The following PDE1A variants were observed in gnomAD, a reference collection of about 807,000 sequenced individuals.
The protein encoded by PDE1A is phosphodiesterase 1A.
In PDE1A, 35 loss-of-function variants were observed where a neutral mutation model predicts 61.7. The ratio of observed to expected loss-of-function variants is 0.57; its 90% CI spans 0.43 to 0.75. The LOEUF is 0.75. Among genes scored for constraint, PDE1A ranks in the 30% least tolerant of loss-of-function variants. PDE1A has a pLI of 0.00. For missense variants in PDE1A, 597 were observed against 630.6 expected, an observed-to-expected ratio of 0.95 and a Z score of 0.57; for synonymous variants, 232 against 213.2, an observed-to-expected ratio of 1.09 and a Z score of -0.77.
chr2:182,495,438 T>C (rs530371775), intron 2 of PDE1A, among the ~76,000 whole-genome samples: 18 of 152,300 alleles, frequency 1.2e-4, no homozygotes, highest in African/African-American at 4.3e-4. Flanking sequence ...TTCTTGGCCT[T>C]CAGTGCTTCA....
the PDE1A span, among the ~76,000 whole-genome samples, chr2:182,603,765 T>C: frequency 6.6e-6 from 1 of 152,184 alleles, no homozygotes; most frequent in Non-Finnish European, 1.5e-5. Context: ...GTTAAATTCC[T>C]TTTTTAAAAA....
At chr2:182,576,783 C>T in the PDE1A span, among the ~76,000 whole-genome samples, 53 of 152,174 alleles carry the variant, frequency 3.5e-4, no homozygotes, top group Non-Finnish European at 6.6e-4. Context: ...ATTAAAACCA[C>T]TGATATCACC....
intron 10 of PDE1A, among the ~76,000 whole-genome samples, chr2:182,200,956 C>T (rs183534393): frequency 2.0e-5 from 3 of 152,232 alleles, no homozygotes; most frequent in Non-Finnish European, 2.9e-5. Flanking sequence ...AATCCTTATC[C>T]GGGCTTGTTT....
rs36076255 is a variant in PDE1A, at chr2:182,494,298, C to CAA, written c.101+27976_101+27977dup. Among the ~76,000 whole-genome samples the CAA allele has an allele frequency of 7.8e-4, 115 of 147,012 alleles. 1 individual carries two copies. Among genetic ancestry groups the CAA allele is most frequent in the African/African-American group, 1.8e-3 (74 of 40,178 alleles). ...AGCTTACAAGATCATTTGGATTCTA[C>CAA]AAAAAAAAAAGAAAAGAAAAAGAAA... On this transcript the variant is annotated intron_variant, in intron 2 of 14. Coordinates refer to the PDE1A transcript ENST00000410103.
At chr2:182,194,194 A>C (rs941225390) in intron 10 of PDE1A, among the ~76,000 whole-genome samples, 2 of 152,116 alleles carry the variant, frequency 1.3e-5, no homozygotes, top group Admixed American at 6.6e-5. Flanking sequence ...AGCTAGTTGA[A>C]GAAGGGAAAA....
chr2:182,331,504 T>C (rs1381556961), intron 1 of PDE1A, among the ~76,000 whole-genome samples: 2 of 152,226 alleles, frequency 1.3e-5, no homozygotes, highest in African/African-American at 2.4e-5. Flanking sequence ...CCTTTCCATA[T>C]TTAGTGCTTC....
chr2:182,680,432 G>A, the PDE1A span, among the ~76,000 whole-genome samples: 1 of 152,050 alleles, frequency 6.6e-6, no homozygotes, highest in African/African-American at 2.4e-5. Context: ...CAAAATTACA[G>A]AGTTTCACCA....
At chr2:182,534,909 TTTA>T in the PDE1A span, among the ~76,000 whole-genome samples, 191 of 151,224 alleles carry the variant, frequency 1.3e-3, no homozygotes, top group African/African-American at 4.1e-3. Context: ...TACATGCAGC[TTTA>T]TTTTGTTTAC....
chr2:182,440,596 T>C (rs1452871785), intron 2 of PDE1A, among the ~76,000 whole-genome samples: 1 of 152,068 alleles, frequency 6.6e-6, no homozygotes, highest in Non-Finnish European at 1.5e-5. Flanking sequence ...ACAAGATATA[T>C]TCTAAATAAA....
the PDE1A span, among the ~76,000 whole-genome samples, chr2:182,558,890 C>CA: frequency 6.6e-6 from 1 of 152,176 alleles, no homozygotes; most frequent in African/African-American, 2.4e-5. Flanking sequence ...TCAATGTCAA[C>CA]ATTTATTCAA....
At chr2:182,177,393 C>T (rs1396003398) in intron 13 of PDE1A, among the ~76,000 whole-genome samples, 1 of 151,884 alleles carries the variant, frequency 6.6e-6, no homozygotes, top group Non-Finnish European at 1.5e-5. Flanking sequence ...AGAGATTCAA[C>T]TTCTTCCTGG....
At chr2:182,439,803 G>C (rs1405141704) in intron 2 of PDE1A, among the ~76,000 whole-genome samples, 1 of 151,998 alleles carries the variant, frequency 6.6e-6, no homozygotes, top group African/African-American at 2.4e-5. Flanking sequence ...GAAGATATGG[G>C]CTAACTGTAC....
At chr2:182,226,566 T>C (rs1467071340) in intron 6 of PDE1A, among the ~76,000 whole-genome samples, 1 of 149,560 alleles carries the variant, frequency 6.7e-6, no homozygotes, top group African/African-American at 2.6e-5. Context: ...TGTGCTGGTA[T>C]CAGAAGGAAT....
intron 1 of PDE1A, among the ~76,000 whole-genome samples, chr2:182,287,847 C>G (rs182564781): frequency 4.2e-4 from 64 of 152,180 alleles, no homozygotes; most frequent in Non-Finnish European, 1.3e-4. Flanking sequence ...AGGCAGGAAC[C>G]TGTGTTTTTT....
chr2:182,614,014 T>C, the PDE1A span, among the ~76,000 whole-genome samples: 88 of 152,358 alleles, frequency 5.8e-4, no homozygotes, highest in Middle Eastern at 0.02. Context: ...GGAGGTATCC[T>C]ATCTGATGTA....
chr2:182,348,853 A>G (rs574797602), intron 1 of PDE1A, among the ~76,000 whole-genome samples: 2 of 152,000 alleles, frequency 1.3e-5, no homozygotes, highest in African/African-American at 4.8e-5. Flanking sequence ...TTCCTCTACT[A>G]AAACAGATTG....
intron 1 of PDE1A, among the ~76,000 whole-genome samples, chr2:182,413,157 T>G (rs920765536): frequency 6.6e-6 from 1 of 151,826 alleles, no homozygotes; most frequent in Non-Finnish European, 1.5e-5. Context: ...AGGAAAGAGA[T>G]GGAATAGATG....
At chr2:182,607,519 C>T in the PDE1A span, among the ~76,000 whole-genome samples, 1 of 152,172 alleles carries the variant, frequency 6.6e-6, no homozygotes, top group African/African-American at 2.4e-5. Context: ...AAGGTCAGAA[C>T]TGCAGAACCC....
chr2:182,197,789 A>G (rs1686262522), intron 10 of PDE1A, among the ~76,000 whole-genome samples: 2 of 151,882 alleles, frequency 1.3e-5, no homozygotes, highest in Admixed American at 1.3e-4. Flanking sequence ...CCAATAACAC[A>G]GTGCCTTGAT....
Sources: allele counts gnomAD v4.1 joint callset (sites outside exome capture counted in the v4.1 genomes callset), GRCh38; gene constraint gnomAD v4.1.1; transcripts MANE v1.5; gene names NCBI Gene and HGNC (gene_info 2026-07-23, HGNC 2026-07-21).